The following PUM1 variants were observed in gnomAD, a reference collection of about 807,000 sequenced individuals.
PUM1 encodes the protein pumilio homolog 1.
A neutral mutation model predicts 131.8 loss-of-function variants in PUM1; 13 were observed. The observed-to-expected ratio is 0.10, with a 90% CI of 0.06 to 0.16. PUM1 has a LOEUF of 0.16. PUM1 is among the 10% of genes least tolerant of loss of function. The pLI, the probability that PUM1 is intolerant of heterozygous loss-of-function variation, is 1.00. For missense variants in PUM1, 961 were observed against 1,512.4 expected, an observed-to-expected ratio of 0.64 and a Z score of 6.05; for synonymous variants, 509 against 556.5, an observed-to-expected ratio of 0.91 and a Z score of 1.20.
intron 3 of PUM1, among the ~76,000 whole-genome samples, chr1:31,028,133 T>C (rs1643291031): frequency 6.6e-6 from 1 of 152,194 alleles, no homozygotes; most frequent in African/African-American, 2.4e-5. Flanking sequence ...CTCCCCTTCC[T>C]TTTTAAGACT....
intron 2 of PUM1, among the ~76,000 whole-genome samples, chr1:31,033,197 A>G (rs1233369501): frequency 6.6e-6 from 1 of 151,354 alleles, no homozygotes; most frequent in Non-Finnish European, 1.5e-5. Flanking sequence ...TTAGAAGACG[A>G]CCTTACTGAT....
chr1:30,940,647 G>A (rs1035971377), intron 20 of PUM1, among the ~76,000 whole-genome samples: 8 of 152,192 alleles, frequency 5.3e-5, no homozygotes, highest in African/African-American at 1.9e-4. Flanking sequence ...CCACATGGAA[G>A]GGCCATTGAT....
At chr1:31,044,754 T>C (rs1643912624) in intron 2 of PUM1, among the ~76,000 whole-genome samples, 1 of 152,330 alleles carries the variant, frequency 6.6e-6, no homozygotes, top group Middle Eastern at 3.4e-3. Context: ...GTCGGCTCAC[T>C]GCAAGCTCCG....
intron 18 of PUM1, among the ~76,000 whole-genome samples, chr1:30,943,417 A>G (rs1322597296): frequency 6.6e-6 from 1 of 151,900 alleles, no homozygotes; most frequent in Non-Finnish European, 1.5e-5. Context: ...CACCCGGCTA[A>G]TTTTTTGTAT....
intron 18 of PUM1, among the ~76,000 whole-genome samples, chr1:30,943,440 C>T (rs181025580): frequency 7.9e-5 from 12 of 152,084 alleles, no homozygotes; most frequent in South Asian, 2.1e-4. Flanking sequence ...CTAGTAGAGA[C>T]GGGGTTTCAC....
In PUM1 at chr1:31,046,772, A is replaced by G. The variant is rs1337680919; in HGVS notation, c.363+12432T>C. Among the ~76,000 whole-genome samples, 5 of 152,126 alleles carry G rather than the reference A, an allele frequency of 3.3e-5. No individual in the cohort carries two copies. In the East Asian group the frequency reaches 7.8e-4, roughly 24 times the overall value. The stretch of plus-strand genomic sequence containing the variant: ...GGCATGAGCCACCACACAAGGCCCA[A>G]CTGCAAGTACCAACACATTTACACC... On this transcript the variant is annotated intron_variant, in intron 2 of 21. Coordinates refer to ENST00000426105, the MANE Select transcript of PUM1 (RefSeq NM_001020658.2).
intron 2 of PUM1, among the ~76,000 whole-genome samples, chr1:31,046,094 A>G (rs1456728066): frequency 1.4e-5 from 2 of 147,644 alleles, no homozygotes; most frequent in Non-Finnish European, 3.0e-5. Context: ...AATAATTTAG[A>G]AAAAAAAAAG....
At chr1:30,980,264 GA>G in intron 8 of PUM1, 101 bp from the exon 9 acceptor site, 1 of 887,962 alleles carries the variant, frequency 1.1e-6, no homozygotes, top group Non-Finnish European at 1.8e-6. Flanking sequence ...AGTAGATAAG[GA>G]AAAAATGAAA....
chr1:31,029,078 A>C (rs971482127), intron 2 of PUM1, among the ~76,000 whole-genome samples: 3 of 152,118 alleles, frequency 2.0e-5, no homozygotes, highest in Non-Finnish European at 2.9e-5. Flanking sequence ...ATTCCCTTAT[A>C]TTTTCAAAAC....
Position 30,968,431 on chromosome 1 carries a change from T to C in PUM1, c.1568A>G (p.Gln523Arg). The C allele has an allele frequency of 6.3e-7, 1 of 1,599,324 alleles. No individual in the cohort carries two copies. The highest frequency in any genetic ancestry group is 8.5e-7 in the Non-Finnish European group (1 of 1,175,422). ...TGCAGCTGCCACAAGGGGATCCGTT[T>C]GCTGTCCCTGCTGGTTCTGGTTTGG... ...LTPNQNQQGQ[Q>R]TDPLVAAAAV... Residue 523 changes from glutamine (Q) to arginine (R), a missense_variant, in exon 11 of 22, where the codon CAA becomes CGA. This residue lies in a region of PUM1 where 654 missense variants were observed against 923.9 expected (regional missense o/e 0.71). Coordinates refer to ENST00000426105, the MANE Select transcript of PUM1 (RefSeq NM_001020658.2).
At chr1:30,979,753 T>TA (rs1187987152) in intron 9 of PUM1, among the ~76,000 whole-genome samples, 1 of 152,112 alleles carries the variant, frequency 6.6e-6, no homozygotes, top group Non-Finnish European at 1.5e-5. Context: ...AACTATATGA[T>TA]AGACTAGAGG....
At chr1:31,048,063 A>AC (rs1280028851) in intron 2 of PUM1, among the ~76,000 whole-genome samples, 2 of 151,400 alleles carry the variant, frequency 1.3e-5, no homozygotes, top group African/African-American at 4.9e-5. Flanking sequence ...ATACAGTGAA[A>AC]CCCCATCTCT....
intron 18 of PUM1, among the ~76,000 whole-genome samples, chr1:30,943,682 C>T (rs1253675732): frequency 1.3e-5 from 2 of 152,198 alleles, no homozygotes; most frequent in Non-Finnish European, 1.5e-5. Context: ...GATATTTCAA[C>T]AGGATCACAG....
In PUM1 at chr1:30,932,235, G is replaced by A. The variant is rs1638994339; in HGVS notation, c.*976C>T. On this transcript the variant is annotated 3_prime_UTR_variant, in exon 22 of 22. Coordinates refer to ENST00000426105, the MANE Select transcript of PUM1 (RefSeq NM_001020658.2). ...AAACTTCTCCACATTTACATTACAG[G>A]TATACAAATGTACAATTGTACAATC... The A allele has an allele frequency of 6.6e-6, 1 of 152,446 alleles. No homozygotes were observed. Among genetic ancestry groups the A allele is most frequent in the Admixed American group, 6.6e-5 (1 of 15,262 alleles). The allele number at this position is 152,446 out of a possible 1,614,324, so 9.4% of individuals were successfully genotyped here. A position where few individuals can be genotyped will look rare whatever the true frequency, so the allele number is the denominator to read the frequency against.
At chr1:31,030,745 CTG>C (rs1643400085) in intron 2 of PUM1, among the ~76,000 whole-genome samples, 1 of 151,902 alleles carries the variant, frequency 6.6e-6, no homozygotes, top group Non-Finnish European at 1.5e-5. Flanking sequence ...TGCTGCCTAG[CTG>C]CCTATACATT....
At chr1:31,055,246 A>C in intron 2 of PUM1, 1 of 435,134 alleles carries the variant, frequency 2.3e-6, no homozygotes. Context: ...CTGCCTATCA[A>C]GTGGCCTCTA....
intron 13 of PUM1, among the ~76,000 whole-genome samples, chr1:30,965,166 A>G (rs1640569702): frequency 6.6e-6 from 1 of 152,214 alleles, no homozygotes; most frequent in Non-Finnish European, 1.5e-5. Context: ...AGGGAGGGTT[A>G]AAAAGCTCTG....
intron 11 of PUM1, 36 bp from the exon 12 acceptor site, chr1:30,967,346 TAAAC>T (rs760460005): frequency 6.3e-7 from 1 of 1,588,468 alleles, no homozygotes; most frequent in South Asian, 1.1e-5. Flanking sequence ...ATGTATATGT[TAAAC>T]AAACAAGTAT....
chr1:30,973,562 G>A (rs144833816), intron 10 of PUM1, among the ~76,000 whole-genome samples: 3 of 152,194 alleles, frequency 2.0e-5, no homozygotes, highest in African/African-American at 7.2e-5. Flanking sequence ...AGTATCGTTT[G>A]GTGGATTTAA....
Sources: allele counts gnomAD v4.1 joint callset (sites outside exome capture counted in the v4.1 genomes callset), GRCh38; gene constraint gnomAD v4.1.1; regional missense constraint gnomAD v4.1.1; transcripts MANE v1.5; gene names NCBI Gene and HGNC (gene_info 2026-07-23, HGNC 2026-07-21).